The following RB1 variants were observed in gnomAD, a reference collection of about 807,000 sequenced individuals.
RB1 encodes the protein retinoblastoma-associated protein.
A neutral mutation model predicts 135.4 loss-of-function variants in RB1; 18 were observed. The ratio of observed to expected loss-of-function variants is 0.13; its 90% CI spans 0.09 to 0.20. RB1 has a LOEUF of 0.20. RB1 is among the 10% of genes least tolerant of loss of function. The pLI, the probability that RB1 is intolerant of heterozygous loss-of-function variation, is 1.00. For missense variants in RB1, 868 were observed against 1,110.0 expected (o/e 0.78, Z 3.10); for synonymous variants, 365 against 373.2 (o/e 0.98, Z 0.25).
At chr13:48,372,126 G>C (rs1396343586) in intron 11 of RB1, among the ~76,000 whole-genome samples, 3 of 152,196 alleles carry the variant, frequency 2.0e-5, no homozygotes. Flanking sequence ...TGCTGTTCTA[G>C]AGAATGGGAA....
At chr13:48,346,370 A>G (rs867502052) in intron 4 of RB1, among the ~76,000 whole-genome samples, 17 of 131,132 alleles carry the variant, frequency 1.3e-4, no homozygotes, top group East Asian at 4.5e-4. Context: ...TATTATATAT[A>G]TGTGTGTGTG....
chr13:48,404,009 A>G (rs198609), intron 17 of RB1, among the ~76,000 whole-genome samples: 118,792 of 151,982 alleles, frequency 0.78, 52,180 homozygotes, highest in Non-Finnish European at 0.97. Context: ...TCAAAGAAAA[A>G]CGAAAAAAAA....
At chr13:48,419,268 AC>A (rs1406562538) in intron 17 of RB1, among the ~76,000 whole-genome samples, 1 of 152,196 alleles carries the variant, frequency 6.6e-6, no homozygotes, top group Non-Finnish European at 1.5e-5. Flanking sequence ...AAACTGAACA[AC>A]CTGTTCCTGA....
intron 17 of RB1, chr13:48,411,476 G>C (rs750415786): frequency 6.2e-7 from 1 of 1,609,594 alleles, no homozygotes; most frequent in East Asian, 2.2e-5. Flanking sequence ...GAACTTCAGA[G>C]AATCTGAAGT....
chr13:48,395,117 G>A (rs1390304299), intron 17 of RB1, among the ~76,000 whole-genome samples: 2 of 152,144 alleles, frequency 1.3e-5, no homozygotes. Context: ...GTCTGGAGTG[G>A]ACCTCCAGCA....
intron 2 of RB1, among the ~76,000 whole-genome samples, chr13:48,311,192 C>T (rs1217581226): frequency 1.3e-5 from 2 of 152,232 alleles, no homozygotes; most frequent in African/African-American, 4.8e-5. Context: ...ATGTGAACCT[C>T]ATAGGCTTTT....
chr13:48,346,181 A>G (rs1952495436), intron 4 of RB1, among the ~76,000 whole-genome samples: 1 of 149,466 alleles, frequency 6.7e-6, no homozygotes, highest in African/African-American at 2.5e-5. Context: ...TTAATTATTA[A>G]TGGAGATAAA....
intron 19 of RB1, among the ~76,000 whole-genome samples, chr13:48,457,381 C>G (rs1320612488): frequency 6.6e-6 from 1 of 152,190 alleles, no homozygotes; most frequent in Non-Finnish European, 1.5e-5. Flanking sequence ...AGTTGTCTCT[C>G]CATCCTCTGC....
chr13:48,397,226 A>G (rs1449691902), intron 17 of RB1, among the ~76,000 whole-genome samples: 1 of 152,220 alleles, frequency 6.6e-6, no homozygotes, highest in Non-Finnish European at 1.5e-5. Flanking sequence ...TCACAATAGC[A>G]AAGACTTGAA....
intron 4 of RB1, among the ~76,000 whole-genome samples, chr13:48,346,541 G>GTT (rs58636043): frequency 3.3e-5 from 5 of 151,612 alleles, no homozygotes; most frequent in Admixed American, 6.6e-5. Flanking sequence ...TTGCTTTAGA[G>GTT]TTTTTTTGGT....
At chr13:48,369,430 A>T (rs1952736157) in intron 11 of RB1, among the ~76,000 whole-genome samples, 1 of 152,140 alleles carries the variant, frequency 6.6e-6, no homozygotes, top group Non-Finnish European at 1.5e-5. Flanking sequence ...CCTCACCATC[A>T]AAGATATTCT....
At chr13:48,345,598 T>A (rs1952485441) in intron 4 of RB1, among the ~76,000 whole-genome samples, 1 of 152,182 alleles carries the variant, frequency 6.6e-6, no homozygotes, top group Admixed American at 6.5e-5. Flanking sequence ...TACTATAAAG[T>A]AATGATTTGT....
rs545667432 is a variant in RB1, at chr13:48,457,995, C to T, written c.1960+1646C>T. ...TGCAGCTGCACTGGGGAGGGTGGGA[C>T]TCCTACCTGCTCCCCAGCCCAGAGA... On this transcript the variant is annotated intron_variant, in intron 19 of 26. Transcript: ENST00000267163. Among the ~76,000 whole-genome samples, 62 of 152,292 alleles carry T rather than the reference C, an allele frequency of 4.1e-4. No individual in the cohort carries two copies. The Middle Eastern group carries it at 0.01, about 25-fold the overall frequency.
intron 17 of RB1, among the ~76,000 whole-genome samples, chr13:48,393,562 A>C (rs909391314): frequency 6.6e-6 from 1 of 152,224 alleles, no homozygotes; most frequent in Non-Finnish European, 1.5e-5. Flanking sequence ...CTGTTTCTTC[A>C]TCAGAGCTGG....
Position 48,373,396 on chromosome 13 carries a change from C to T in RB1, c.1128-9C>T, listed in dbSNP as rs1205440981. ...GCTTAACACATTTTCCTATTTTTATCCCCTCTAGGACTGTTATGAACACTA... is the reference window on the plus strand; with the variant it reads ...GCTTAACACATTTTCCTATTTTTATTCCCTCTAGGACTGTTATGAACACTA... On this transcript the variant is annotated splice_polypyrimidine_tract_variant and intron_variant, in intron 11 of 26. Coordinates refer to ENST00000267163, the MANE Select transcript of RB1 (RefSeq NM_000321.3). 1 of 1,519,820 alleles carries T rather than the reference C, an allele frequency of 6.6e-7. No homozygotes were observed. The highest frequency in any genetic ancestry group is 1.1e-5 in the South Asian group (1 of 87,656). The allele number at this position is 1,519,820 out of a possible 1,614,324, so 94.1% of individuals were successfully genotyped here.
intron 2 of RB1, 92 bp downstream of exon 2, chr13:48,307,498 A>T: frequency 7.9e-7 from 1 of 1,268,456 alleles, no homozygotes; most frequent in South Asian, 1.3e-5. Context: ...ATAGAAAAAT[A>T]TAAAGACAAT....
At chr13:48,318,470 C>T in intron 2 of RB1, 1 of 1,319,626 alleles carries the variant, frequency 7.6e-7, no homozygotes, top group South Asian at 1.3e-5. Context: ...CGTCCAGGTG[C>T]CTCACCTCGT....
At chr13:48,404,406 G>A (rs1435801236) in intron 17 of RB1, 1 of 150,348 alleles carries the variant, frequency 6.7e-6, no homozygotes, top group African/African-American at 2.4e-5. Context: ...AGAAAGACCA[G>A]AGGAAATGGA....
chr13:48,349,456 A>T (rs1952526786), intron 6 of RB1, among the ~76,000 whole-genome samples: 1 of 151,952 alleles, frequency 6.6e-6, no homozygotes. Flanking sequence ...AAACAGTGTT[A>T]ACTTGTTATC....
Sources: gnomAD v4.1 joint callset for allele counts (sites outside exome capture counted in the v4.1 genomes callset) on GRCh38, gnomAD v4.1.1 for gene constraint, MANE v1.5 for transcripts, NCBI Gene and HGNC (gene_info 2026-07-23, HGNC 2026-07-21) for gene names.